Variants in SLC38A11 observed in about 807,000 individuals in gnomAD.
SLC38A11 encodes putative sodium-coupled neutral amino acid transporter 11.
Under a neutral mutation model 49.4 loss-of-function variants are expected in SLC38A11, and 51 were observed. The observed-to-expected ratio is 1.03, with a 90% CI of 0.83 to 1.30. The LOEUF (loss-of-function observed/expected upper bound fraction) is 1.30. Among genes scored for constraint, SLC38A11 ranks in the 50% most tolerant of loss-of-function variants. The pLI, the probability that SLC38A11 is intolerant of heterozygous loss-of-function variation, is 0.00. For synonymous variants in SLC38A11, 203 were observed against 192.9 expected, an observed-to-expected ratio of 1.05 and a Z score of -0.43; for missense variants, 574 against 556.2, an observed-to-expected ratio of 1.03 and a Z score of -0.32.
chr2:164,926,954 T>A (rs1003237338), intron 7 of SLC38A11, among the ~76,000 whole-genome samples: 60 of 151,582 alleles, frequency 4.0e-4, no homozygotes, highest in African/African-American at 1.5e-3. Context: ...ATGGCACATG[T>A]ATACATATGT....
chr2:164,909,143 A>C (rs1042037884), intron 10 of SLC38A11, among the ~76,000 whole-genome samples: 3 of 152,162 alleles, frequency 2.0e-5, no homozygotes, highest in Non-Finnish European at 4.4e-5. Flanking sequence ...GATTATTTGC[A>C]TGGCCTCTAA....
intron 7 of SLC38A11, among the ~76,000 whole-genome samples, chr2:164,926,829 C>G (rs1686626654): frequency 7.5e-6 from 1 of 133,486 alleles, no homozygotes; most frequent in South Asian, 2.3e-4. Context: ...TACTTGGACA[C>G]AGGGTGGTGA....
chr2:164,932,661 A>T (rs1310413935), intron 7 of SLC38A11, among the ~76,000 whole-genome samples: 1 of 152,182 alleles, frequency 6.6e-6, no homozygotes, highest in Non-Finnish European at 1.5e-5. Flanking sequence ...ACATATTCTC[A>T]TTTATAAGCG....
At chr2:164,898,784 G>A (rs887532320) in intron 11 of SLC38A11, 54 bp from the exon 12 acceptor site, 43 of 1,531,906 alleles carry the variant, frequency 2.8e-5, no homozygotes, top group Middle Eastern at 1.7e-4. Flanking sequence ...AACATTCTTC[G>A]GACAGCTTTT....
intron 7 of SLC38A11, among the ~76,000 whole-genome samples, chr2:164,935,886 A>G (rs1490477955): frequency 6.6e-6 from 1 of 152,068 alleles, no homozygotes; most frequent in African/African-American, 2.4e-5. Context: ...GAGCCCTTAT[A>G]AGAAGAGACT....
intron 3 of SLC38A11, 86 bp from the exon 4 acceptor site, chr2:164,945,813 G>A: frequency 6.8e-7 from 1 of 1,463,392 alleles, no homozygotes. Context: ...CGAGAAAAGG[G>A]GAAATTTTAA....
chr2:164,914,637 G>C (rs1317445431), intron 9 of SLC38A11, among the ~76,000 whole-genome samples: 3 of 151,674 alleles, frequency 2.0e-5, no homozygotes, highest in African/African-American at 7.3e-5. Flanking sequence ...GGGGATTAGA[G>C]AGGGTAAAGA....
At position 164,919,386 on chromosome 2, in the gene SLC38A11, CA is replaced by C. The variant is rs532283420; in HGVS notation, c.618-3414del. On this transcript the variant is annotated intron_variant, in intron 7 of 11. Transcript: ENST00000685975. Reference sequence around the variant, plus strand: ...GAAGGAGGAAAAGAAATTTAAAACTCAAAAAAACCCCATAATATTAAAGTTA... The same window carrying C: ...GAAGGAGGAAAAGAAATTTAAAACTCAAAAAACCCCATAATATTAAAGTTA... 7.2e-3 allele frequency among the ~76,000 whole-genome samples: 1,087 copies of C among 151,146 alleles called. 6 individuals carry two copies. Among genetic ancestry groups the C allele is most frequent in the Non-Finnish European group, 0.012 (805 of 67,718 alleles).
At chr2:164,926,967 C>A (rs13003971) in intron 7 of SLC38A11, among the ~76,000 whole-genome samples, 11,340 of 150,780 alleles carry the variant, frequency 0.075, 474 homozygotes, top group Admixed American at 0.1. Context: ...ACATATGTAA[C>A]AAACCTGCAC....
intron 7 of SLC38A11, 48 bp downstream of exon 7, chr2:164,937,302 T>C (rs1687436680): frequency 8.3e-7 from 1 of 1,197,894 alleles, no homozygotes; most frequent in Non-Finnish European, 1.2e-6. Context: ...TAAATATCTA[T>C]GTGGAGGCTA....
Position 164,954,661 on chromosome 2 carries a change from C to G in SLC38A11, c.124G>C (p.Val42Leu). 6.5e-7 allele frequency: 1 copy of G among 1,535,296 alleles called. No homozygotes were observed. Among genetic ancestry groups the G allele is most frequent in the South Asian group, 1.2e-5 (1 of 80,914 alleles). ...TCQSAALFNVVNSIIGSGIIG... is the reference protein window; with the variant it reads ...TCQSAALFNVLNSIIGSGIIG... ...ATACCAGATCCTATAATCGAGTTGA[C>G]AACATTAAAAAGAGCAGCAGACTGA... Residue 42 changes from valine to leucine, a missense_variant, in exon 2 of 12, where the codon GTC becomes CTC. Physicochemically the swap from Val to Leu is conservative, Grantham distance 32. Transcript: ENST00000685975.
intron 7 of SLC38A11, among the ~76,000 whole-genome samples, chr2:164,921,835 T>C (rs933429665): frequency 6.6e-6 from 1 of 152,186 alleles, no homozygotes; most frequent in Non-Finnish European, 1.5e-5. Context: ...GGGACTGGCT[T>C]ATAGCAGTTT....
intron 10 of SLC38A11, 115 bp from the exon 11 acceptor site, chr2:164,908,886 A>G (rs1243434171): frequency 9.3e-6 from 11 of 1,181,604 alleles, no homozygotes; most frequent in Non-Finnish European, 1.3e-5. Context: ...CAAGGCTATT[A>G]ATCAAATCTT....
At chr2:164,947,292 T>G (rs1249288244) in intron 3 of SLC38A11, among the ~76,000 whole-genome samples, 1 of 151,836 alleles carries the variant, frequency 6.6e-6, no homozygotes, top group Non-Finnish European at 1.5e-5. Context: ...CCACCATGCC[T>G]GGCTAATTTT....
chr2:164,928,989 T>G (rs954254354), intron 7 of SLC38A11, among the ~76,000 whole-genome samples: 1 of 152,146 alleles, frequency 6.6e-6, no homozygotes, highest in African/African-American at 2.4e-5. Context: ...ATGTCACATG[T>G]TCAATATATC....
Position 164,911,746 on chromosome 2 carries a change from C to T in SLC38A11, c.853G>A (p.Asp285Asn). ...YLTFTGFTQG[D>N]LFENYCRNDD... is the part of the protein sequence containing the mutation. ...TTTCTGCAGTAATTTTCAAATAAGT[C>T]CCCTAGATAGTAATATAAAATAAGT... The change falls in exon 10 of 12, where the codon GAC (aspartate) becomes AAC (asparagine). Residue 285 changes from aspartate to asparagine, a missense_variant and splice_region_variant. By Grantham distance (23) the Asp-to-Asn change is conservative. Transcript: ENST00000685975. 1 of 1,555,866 alleles carries T rather than the reference C, an allele frequency of 6.4e-7. No homozygotes were observed. Among genetic ancestry groups the T allele is most frequent in the South Asian group, 1.2e-5 (1 of 85,480 alleles).
chr2:164,931,063 T>A (rs956770122), intron 7 of SLC38A11, among the ~76,000 whole-genome samples: 6 of 151,916 alleles, frequency 3.9e-5, no homozygotes, highest in African/African-American at 1.5e-4. Context: ...AGCTTCAGGA[T>A]ACAAAATCAA....
intron 7 of SLC38A11, among the ~76,000 whole-genome samples, chr2:164,934,065 A>T (rs1156876077): frequency 1.3e-5 from 2 of 152,092 alleles, no homozygotes; most frequent in Non-Finnish European, 2.9e-5. Context: ...TTGGCCATAA[A>T]AATCATTTCA....
intron 9 of SLC38A11, among the ~76,000 whole-genome samples, chr2:164,914,638 A>T (rs1440455062): frequency 2.6e-5 from 4 of 151,746 alleles, no homozygotes; most frequent in African/African-American, 4.8e-5. Context: ...GGGATTAGAG[A>T]GGGTAAAGAA....
Sources: gnomAD v4.1 joint callset for allele counts (sites outside exome capture counted in the v4.1 genomes callset) on GRCh38, gnomAD v4.1.1 for gene constraint, MANE v1.5 for transcripts, NCBI Gene and HGNC (gene_info 2026-07-23, HGNC 2026-07-21) for gene names.